The following CLIP1 variants were observed in gnomAD, a reference collection of about 807,000 sequenced individuals.
CLIP1 encodes the protein CAP-Gly domain-containing linker protein 1.
In CLIP1, 66 loss-of-function variants were observed where a neutral mutation model predicts 161.6. The observed-to-expected ratio is 0.41, with a 90% confidence interval of 0.33 to 0.50. CLIP1 has a LOEUF of 0.50. Ranked by LOEUF, CLIP1 falls within the 20% of genes least tolerant of loss-of-function variation. CLIP1 has a pLI of 0.27. For missense variants in CLIP1, 1,376 were observed against 1,702.0 expected, an observed-to-expected ratio of 0.81 and a Z score of 3.37; for synonymous variants, 598 against 626.2, an observed-to-expected ratio of 0.96 and a Z score of 0.67.
intron 5 of CLIP1, among the ~76,000 whole-genome samples, chr12:122,359,347 T>C (rs529712152): frequency 6.6e-6 from 1 of 152,276 alleles, no homozygotes; most frequent in Non-Finnish European, 1.5e-5. Flanking sequence ...GAGGAGAGAT[T>C]GGCGGGAGCA....
chr12:122,302,195 G>A, intron 20 of CLIP1, among the ~76,000 whole-genome samples: 1 of 152,122 alleles, frequency 6.6e-6, no homozygotes, highest in East Asian at 1.9e-4. Context: ...CTGCCTCCTG[G>A]GTTCAGGCGA....
At chr12:122,343,187 G>A (rs1273652773) in intron 10 of CLIP1, 1 of 136,342 alleles carries the variant, frequency 7.3e-6, no homozygotes, top group Non-Finnish European at 1.5e-5. Context: ...GTTGCCCAGT[G>A]CAATGGCGCG....
chr12:122,357,460 A>C (rs1463343083), intron 5 of CLIP1, among the ~76,000 whole-genome samples: 3 of 145,758 alleles, frequency 2.1e-5, no homozygotes, highest in Admixed American at 2.0e-4. Flanking sequence ...CCGTCTGGGA[A>C]GTGAGGAGCG....
chr12:122,283,168 C>T (rs1566073658), intron 21 of CLIP1, among the ~76,000 whole-genome samples: 2 of 152,202 alleles, frequency 1.3e-5, no homozygotes, highest in Non-Finnish European at 2.9e-5. Context: ...AAATCTGCAT[C>T]AGGCTTCAGA....
rs1194913166 is a variant in CLIP1 at position 122,341,062 on chromosome 12, C to A, written c.2142G>T (p.Arg714Ser). ...GGTCTTCTGCTTTGTCCAGTTTCGA[C>A]CTGATGGCTTCCAGACTGTTTTCCT... ...KEKENSLEAI[R>S]SKLDKAEDQH... The change falls in exon 11 of 26, where the codon AGG becomes AGT. Residue 714 changes from arginine to serine, a missense_variant. Physicochemically the swap from Arg to Ser is moderately radical, Grantham distance 110. Transcript: ENST00000620786. The A allele has an allele frequency of 6.2e-7, 1 of 1,614,108 alleles. No individual in the cohort carries two copies. Among genetic ancestry groups the A allele is most frequent in the East Asian group, 2.2e-5 (1 of 44,886 alleles).
intron 2 of CLIP1, among the ~76,000 whole-genome samples, chr12:122,379,941 CTT>C (rs201746898): frequency 1.6e-4 from 3 of 18,516 alleles, no homozygotes; most frequent in Non-Finnish European, 2.1e-4. Flanking sequence ...AAGACTCCAT[CTT>C]TAAAAAAAAA....
intron 20 of CLIP1, among the ~76,000 whole-genome samples, chr12:122,302,535 G>A (rs926451986): frequency 6.6e-6 from 1 of 151,874 alleles, no homozygotes; most frequent in East Asian, 1.9e-4. Context: ...TTCTTTTTGC[G>A]GATTCAGTTC....
chr12:122,278,123 A>G, intron 24 of CLIP1, 31 bp downstream of exon 24: 1 of 1,591,414 alleles, frequency 6.3e-7, no homozygotes. Context: ...AAAAACAGCA[A>G]GAAAGTAAAG....
chr12:122,390,279 C>A (rs868373146), intron 1 of CLIP1, among the ~76,000 whole-genome samples: 1 of 78,984 alleles, frequency 1.3e-5, no homozygotes, highest in Admixed American at 1.6e-4. Flanking sequence ...TATATATATA[C>A]ATATATATAT....
intron 2 of CLIP1, among the ~76,000 whole-genome samples, chr12:122,379,138 A>C (rs984701431): frequency 6.6e-6 from 1 of 151,716 alleles, no homozygotes; most frequent in South Asian, 2.1e-4. Context: ...AAAACAAAAC[A>C]AAACCAAAAA....
At chr12:122,277,946 G>T in intron 24 of CLIP1, 1 of 575,130 alleles carries the variant, frequency 1.7e-6, no homozygotes. Context: ...TGCAGGGTTG[G>T]GAACTGAGCA....
intron 20 of CLIP1, among the ~76,000 whole-genome samples, chr12:122,295,122 T>C (rs117381675): frequency 0.013 from 1,906 of 151,616 alleles, 16 homozygotes; most frequent in Non-Finnish European, 0.022. Flanking sequence ...AAAGATTTTC[T>C]CTTTGGGAGG....
At chr12:122,333,666 A>G (rs187913490) in intron 14 of CLIP1, among the ~76,000 whole-genome samples, 2 of 152,308 alleles carry the variant, frequency 1.3e-5, no homozygotes. Flanking sequence ...CTGACTTCGT[A>G]TTAAAAGGAT....
At chr12:122,359,781 T>C (rs1953686998) in intron 5 of CLIP1, among the ~76,000 whole-genome samples, 1 of 152,070 alleles carries the variant, frequency 6.6e-6, no homozygotes, top group South Asian at 2.1e-4. Context: ...CACCGTGAGA[T>C]CCTGGGCTAA....
intron 1 of CLIP1, among the ~76,000 whole-genome samples, chr12:122,405,516 C>T (rs867640400): frequency 2.0e-5 from 3 of 152,120 alleles, no homozygotes; most frequent in Non-Finnish European, 2.9e-5. Context: ...CAGCCAGGCG[C>T]GGTGGCTCAC....
intron 20 of CLIP1, among the ~76,000 whole-genome samples, chr12:122,289,567 A>G (rs1255052139): frequency 6.6e-6 from 1 of 152,208 alleles, no homozygotes; most frequent in African/African-American, 2.4e-5. Context: ...ACTCACATCC[A>G]TCAATTCAAC....
At chr12:122,397,068 C>T (rs944208663) in intron 1 of CLIP1, among the ~76,000 whole-genome samples, 2 of 150,458 alleles carry the variant, frequency 1.3e-5, no homozygotes, top group Admixed American at 6.7e-5. Context: ...CGTAAGCCAC[C>T]GTGCCTGGCC....
Position 122,377,395 on chromosome 12 carries a change from T to G in CLIP1, c.651A>C (p.Arg217Ser). The change falls in exon 3 of 26, where the codon AGA becomes AGC. Residue 217 changes from arginine to serine, a missense_variant. Physicochemically the swap from Arg to Ser is moderately radical, Grantham distance 110. Coordinates refer to ENST00000620786, the MANE Select transcript of CLIP1 (RefSeq NM_001247997.2). ...AGAATGTTTCTCTACTCACCAATAC[T>G]CTGTCTCCGATTTTGAGCTCTCTTT... ...KGERELKIGD[R>S]VLVGGTKAGV... is the part of the protein sequence containing the mutation. 6.2e-7 allele frequency: 1 copy of G among 1,612,648 alleles called. No homozygotes were observed. The highest frequency in any genetic ancestry group is 8.5e-7 in the Non-Finnish European group (1 of 1,179,124).
chr12:122,336,723 TG>T lies in CLIP1; in HGVS notation c.2476del (p.Gln826ArgfsTer5). 6.2e-7 allele frequency: 1 copy of T among 1,603,606 alleles called. No homozygotes were observed. Among genetic ancestry groups the T allele is most frequent in the Non-Finnish European group, 8.5e-7 (1 of 1,172,126 alleles). On this transcript the variant is annotated frameshift_variant, in exon 12 of 26. Transcript: ENST00000620786. LOFTEE classifies it high-confidence loss of function. The stretch of plus-strand genomic sequence containing the variant: ...GTTAGTAAGCTTTAGCTCTCTCCCC[TG>T]GAGCTCTCTGGTAATGCTACTAGCC... The part of the protein sequence containing the change: ...SKASSITREL[Q>X]GRELKLTNLQ...
Sources: allele counts gnomAD v4.1 joint callset (sites outside exome capture counted in the v4.1 genomes callset), GRCh38; gene constraint gnomAD v4.1.1; transcripts MANE v1.5; gene names NCBI Gene and HGNC (gene_info 2026-07-23, HGNC 2026-07-21).